The following HOXB3 variants were observed in gnomAD, a reference collection of about 807,000 sequenced individuals.
HOXB3 encodes homeobox protein Hox-B3.
A neutral mutation model predicts 29.2 loss-of-function variants in HOXB3; 17 were observed. That is an observed-to-expected ratio of 0.58 (90% CI 0.40 to 0.87). The LOEUF (loss-of-function observed/expected upper bound fraction) is 0.87, where lower values mean the gene tolerates loss of function less well. Among genes scored for constraint, HOXB3 ranks in the 40% least tolerant of loss-of-function variants. The pLI, the probability that HOXB3 is intolerant of heterozygous loss-of-function variation, is 0.00. For synonymous variants in HOXB3, 317 were observed against 285.9 expected (o/e 1.11, Z -1.10); for missense variants, 637 against 616.3 (o/e 1.03, Z -0.35).
At chr17:48,572,596 G>C (rs1452967256) in intron 2 of HOXB3, among the ~76,000 whole-genome samples, 3 of 152,156 alleles carry the variant, frequency 2.0e-5, no homozygotes, top group Admixed American at 6.5e-5. Context: ...GTGGTTGCGG[G>C]GAGGATGGCT....
chr17:48,551,726 TGAC>T (rs1282755271), intron 4 of HOXB3, among the ~76,000 whole-genome samples: 2 of 152,258 alleles, frequency 1.3e-5, no homozygotes, highest in Non-Finnish European at 2.9e-5. Flanking sequence ...AATCAATCGT[TGAC>T]GACTCTGCAT....
At chr17:48,583,218 G>T (rs1207667869) in intron 1 of HOXB3, among the ~76,000 whole-genome samples, 1 of 152,158 alleles carries the variant, frequency 6.6e-6, no homozygotes, top group Non-Finnish European at 1.5e-5. Flanking sequence ...TGCTGGGCTG[G>T]GCTGGTCAAA....
chr17:48,568,755 A>T (rs1186676047), intron 2 of HOXB3, among the ~76,000 whole-genome samples: 1 of 152,044 alleles, frequency 6.6e-6, no homozygotes, highest in African/African-American at 2.4e-5. Flanking sequence ...AGGGAGAGGG[A>T]GGGAGGGAGA....
rs541093093 is a variant in HOXB3, at chr17:48,550,220, G to A, written c.*114C>T. 973 of 1,432,694 alleles carry A rather than the reference G, an allele frequency of 6.8e-4. 1 individual carries two copies. The highest frequency in any genetic ancestry group is 8.3e-4 in the Non-Finnish European group (881 of 1,057,924). The allele number at this position is 1,432,694 out of a possible 1,614,324, so 88.7% of individuals were successfully genotyped here. A position where few individuals can be genotyped will look rare whatever the true frequency, so the allele number is the denominator to read the frequency against. ...GGAGCTCCAGGCCGGTTCTGACCAGGAAGCCTGGGTACCACCTTCTCTGGC... is the reference window on the plus strand; with the variant it reads ...GGAGCTCCAGGCCGGTTCTGACCAGAAAGCCTGGGTACCACCTTCTCTGGC... On this transcript the variant is annotated 3_prime_UTR_variant, in exon 5 of 5. Transcript: ENST00000498678.
At chr17:48,576,773 G>T in intron 1 of HOXB3, 1 of 1,614,012 alleles carries the variant, frequency 6.2e-7, no homozygotes. Flanking sequence ...CTCCGGCTGA[G>T]CCTGCCGCAC....
intron 2 of HOXB3, among the ~76,000 whole-genome samples, chr17:48,563,520 C>G (rs2069274086): frequency 6.6e-6 from 1 of 152,182 alleles, no homozygotes; most frequent in South Asian, 2.1e-4. Flanking sequence ...TTGCATACAC[C>G]CACCACACTG....
chr17:48,579,796 CTACATA>C (rs1567964889), intron 1 of HOXB3: 2 of 389,990 alleles, frequency 5.1e-6, no homozygotes, highest in South Asian at 4.0e-5. Flanking sequence ...CAGAAAAATA[CTACATA>C]TACATATATA....
chr17:48,553,097 G>A (rs1028716041), intron 3 of HOXB3: 4 of 152,316 alleles, frequency 2.6e-5, no homozygotes, highest in African/African-American at 9.6e-5. Flanking sequence ...AGTCTAGCCT[G>A]AAGGAAAACC....
intron 1 of HOXB3, chr17:48,575,436 G>A (rs2069728020): frequency 6.6e-6 from 1 of 152,180 alleles, no homozygotes; most frequent in Admixed American, 6.5e-5. Flanking sequence ...GAACCCAGTA[G>A]GGTGCTTAAA....
chr17:48,583,868 C>G (rs2069996783), intron 1 of HOXB3, among the ~76,000 whole-genome samples: 1 of 152,210 alleles, frequency 6.6e-6, no homozygotes, highest in African/African-American at 2.4e-5. Context: ...AGTCAAAACC[C>G]TGGGTTAAAT....
At chr17:48,576,444 C>T (rs2069764715) in intron 1 of HOXB3, 1 of 356,226 alleles carries the variant, frequency 2.8e-6, no homozygotes. Context: ...TTTCTTTCTT[C>T]CTTCTTCTTG....
intron 2 of HOXB3, among the ~76,000 whole-genome samples, chr17:48,558,334 C>T (rs1037970643): frequency 3.3e-5 from 5 of 151,968 alleles, no homozygotes; most frequent in Admixed American, 6.5e-5. Context: ...TGTGGTCCCT[C>T]GGGCTACAGA....
intron 1 of HOXB3, among the ~76,000 whole-genome samples, chr17:48,584,130 G>GT (rs2070001668): frequency 6.6e-6 from 1 of 152,206 alleles, no homozygotes; most frequent in Non-Finnish European, 1.5e-5. Context: ...TAAGTTTAAT[G>GT]TATGGATTCA....
intron 2 of HOXB3, among the ~76,000 whole-genome samples, chr17:48,566,741 A>T (rs1005867740): frequency 6.6e-6 from 1 of 152,154 alleles, no homozygotes; most frequent in Non-Finnish European, 1.5e-5. Context: ...CCATGGAAGA[A>T]GTGATCCTTC....
intron 3 of HOXB3, among the ~76,000 whole-genome samples, chr17:48,555,088 A>G (rs981220823): frequency 7.9e-5 from 12 of 151,892 alleles, no homozygotes; most frequent in Non-Finnish European, 1.2e-4. Context: ...CCACCTTGCC[A>G]AGCACACCCC....
intron 1 of HOXB3, chr17:48,576,645 T>TGCCCCCCC: frequency 3.6e-6 from 2 of 559,070 alleles, no homozygotes; most frequent in Non-Finnish European, 4.9e-6. Flanking sequence ...CAGGGCCCCC[T>TGCCCCCCC]CCTGTCCCCC....
intron 1 of HOXB3, among the ~76,000 whole-genome samples, chr17:48,577,369 C>A (rs894749384): frequency 6.6e-6 from 1 of 152,182 alleles, no homozygotes; most frequent in Non-Finnish European, 1.5e-5. Context: ...TTTCCCTAAA[C>A]CTTTCCTCTG....
At chr17:48,578,215 G>A (rs1025173838) in intron 1 of HOXB3, 2 of 1,613,782 alleles carry the variant, frequency 1.2e-6, no homozygotes, top group Non-Finnish European at 1.7e-6. Flanking sequence ...CGTAGTACCC[G>A]GGCGAGTGGT....
Position 48,555,327 on chromosome 17 carries a change from A to AGAGAGAGG in HOXB3, c.-159+196_-159+203dup, listed in dbSNP as rs1405905747. On this transcript the variant is annotated intron_variant, in intron 3 of 4. Transcript: ENST00000498678. ...AGAGAAGCAGGAAGAGAGAGGGGAGAGAGAGAGGGAGAGAGAGAGAGAGAG... is the reference window on the plus strand; with the variant it reads ...AGAGAAGCAGGAAGAGAGAGGGGAGAGAGAGAGGGAGAGAGGGAGAGAGAGAGAGAGAG... 2.1e-5 allele frequency: 11 copies of AGAGAGAGG among 518,540 alleles called. No individual in the cohort carries two copies. In the African/African-American group the frequency reaches 2.9e-4, roughly 13 times the overall value. 32.1% of individuals were successfully genotyped at this position (518,540 alleles called of 1,614,324 possible). A position where few individuals can be genotyped will look rare whatever the true frequency, so the allele number is the denominator to read the frequency against.
Sources: allele counts gnomAD v4.1 joint callset (sites outside exome capture counted in the v4.1 genomes callset), GRCh38; gene constraint gnomAD v4.1.1; transcripts MANE v1.5; gene names NCBI Gene and HGNC (gene_info 2026-07-23, HGNC 2026-07-21).